The following RNFT2 variants were observed in gnomAD, a reference collection of about 807,000 sequenced individuals.
The protein encoded by RNFT2 is ring finger protein, transmembrane 2.
RNFT2 carries 36 observed loss-of-function variants against 53.0 expected under a neutral mutation model. The ratio of observed to expected loss-of-function variants is 0.68; its 90% CI spans 0.52 to 0.90. RNFT2 has a LOEUF of 0.90. Among genes scored for constraint, RNFT2 ranks in the 40% least tolerant of loss-of-function variants. RNFT2 has a pLI of 0.00. For synonymous variants in RNFT2, 260 were observed against 253.2 expected, an observed-to-expected ratio of 1.03 and a Z score of -0.26; for missense variants, 514 against 585.6, an observed-to-expected ratio of 0.88 and a Z score of 1.26.
At chr12:116,758,934 G>C (rs888837971) in intron 5 of RNFT2, among the ~76,000 whole-genome samples, 2 of 152,086 alleles carry the variant, frequency 1.3e-5, no homozygotes, top group African/African-American at 4.8e-5. Context: ...CGTTTTCCTC[G>C]ATTATTCCCC....
intron 7 of RNFT2, among the ~76,000 whole-genome samples, chr12:116,814,443 A>G (rs1003928535): frequency 6.6e-6 from 1 of 152,146 alleles, no homozygotes; most frequent in African/African-American, 2.4e-5. Flanking sequence ...GGTAACATTC[A>G]TGCAAAGCCT....
rs910969689 is a variant in RNFT2, at chr12:116,781,774, A to G, written c.882+2426A>G. 1.1e-4 allele frequency among the ~76,000 whole-genome samples: 16 copies of G among 152,082 alleles called. No homozygotes were observed. In the South Asian group the frequency reaches 1.4e-3, roughly 14 times the overall value. On this transcript the variant is annotated intron_variant, in intron 7 of 10. Coordinates refer to ENST00000257575, the MANE Select transcript of RNFT2 (RefSeq NM_001382266.1). ...ACAGAAGGTAACATTCACAGGTTCCAGGCATTAAGGTGTGGACATCGGCTG... is the reference window on the plus strand; with the variant it reads ...ACAGAAGGTAACATTCACAGGTTCCGGGCATTAAGGTGTGGACATCGGCTG...
intron 5 of RNFT2, among the ~76,000 whole-genome samples, chr12:116,762,425 A>C (rs1301425975): frequency 1.3e-5 from 2 of 151,350 alleles, no homozygotes; most frequent in Non-Finnish European, 2.9e-5. Context: ...ACAAAGAAAG[A>C]AATAGTGCAT....
chr12:116,852,778 G>C lies in RNFT2; in HGVS notation c.*3330G>C. On this transcript the variant is annotated 3_prime_UTR_variant, in exon 11 of 11. Transcript: ENST00000257575. ...GATTCCAAACTCTTTATTACTTTGG[G>C]AAGTCACTCAGCCTCCCTGTAGCCA... is the stretch of plus-strand genomic sequence containing the variant. The C allele has an allele frequency of 6.4e-7, 1 of 1,550,638 alleles. No homozygotes were observed. The highest frequency in any genetic ancestry group is 8.9e-7 in the Non-Finnish European group (1 of 1,122,888).
intron 6 of RNFT2, among the ~76,000 whole-genome samples, chr12:116,774,934 A>G (rs111811486): frequency 6.8e-6 from 1 of 147,834 alleles, no homozygotes; most frequent in Non-Finnish European, 1.5e-5. Context: ...GGTGCACAGA[A>G]AGAGAGAGAG....
At chr12:116,840,786 A>T (rs1258303723) in intron 10 of RNFT2, among the ~76,000 whole-genome samples, 5 of 152,118 alleles carry the variant, frequency 3.3e-5, no homozygotes, top group Non-Finnish European at 5.9e-5. Context: ...ATATGAGATG[A>T]TGTATAGGGC....
At chr12:116,797,263 A>T (rs2137144202) in intron 7 of RNFT2, among the ~76,000 whole-genome samples, 1 of 152,298 alleles carries the variant, frequency 6.6e-6, no homozygotes, top group East Asian at 1.9e-4. Context: ...ATTTGGAAAT[A>T]GGGTCTATAA....
At position 116,850,321 on chromosome 12, in the gene RNFT2, A is replaced by ATTTTT. The variant is rs34116756; in HGVS notation, c.*884_*888dup. 6.9e-6 allele frequency: 1 copy of ATTTTT among 145,632 alleles called. No homozygotes were observed. The highest frequency in any genetic ancestry group is 1.5e-5 in the Non-Finnish European group (1 of 66,434). 9.0% of individuals were successfully genotyped at this position (145,632 alleles called of 1,614,324 possible). A position where few individuals can be genotyped will look rare whatever the true frequency, so the allele number is the denominator to read the frequency against. On this transcript the variant is annotated 3_prime_UTR_variant, in exon 11 of 11. Transcript: ENST00000257575. ...AGGTGTGTGCCACCAGGCCTGGCTA[A>ATTTTT]TTTTTTTTTTTTTTTAATTTTTAGT...
At chr12:116,750,817 TA>T (rs1407633486) in intron 4 of RNFT2, among the ~76,000 whole-genome samples, 1 of 5,160 alleles carries the variant, frequency 1.9e-4, no homozygotes, top group African/African-American at 3.1e-4. Context: ...ATAATATATA[TA>T]TTATATATAT....
intron 3 of RNFT2, among the ~76,000 whole-genome samples, chr12:116,748,325 G>A (rs751207207): frequency 2.6e-5 from 4 of 152,284 alleles, no homozygotes; most frequent in South Asian, 4.2e-4. Context: ...TCTCTGCTCC[G>A]CCAGCAGTGG....
chr12:116,824,974 A>G (rs766000465), intron 7 of RNFT2, among the ~76,000 whole-genome samples: 27 of 151,870 alleles, frequency 1.8e-4, no homozygotes, highest in Non-Finnish European at 3.7e-4. Flanking sequence ...AATTCTCACA[A>G]TTTTGCAGGT....
chr12:116,762,552 CAT>C (rs1592944039), intron 5 of RNFT2, among the ~76,000 whole-genome samples: 2 of 151,526 alleles, frequency 1.3e-5, no homozygotes, highest in African/African-American at 2.4e-5. Flanking sequence ...GTCTGGGCAA[CAT>C]AGCAAGACCC....
At chr12:116,755,303 T>G (rs939310849) in intron 5 of RNFT2, 1 of 661,384 alleles carries the variant, frequency 1.5e-6, no homozygotes, top group Non-Finnish European at 2.7e-6. Context: ...TTTGGTTTAT[T>G]TCTGGGTTCT....
chr12:116,783,043 A>G (rs34454980), intron 7 of RNFT2, among the ~76,000 whole-genome samples: 13,586 of 152,214 alleles, frequency 0.089, 1,700 homozygotes, highest in African/African-American at 0.28. Context: ...TAAGTGCTCA[A>G]TACATGTTGG....
intron 2 of RNFT2, 24 bp from the exon 3 acceptor site, chr12:116,741,012 G>T: frequency 6.3e-7 from 1 of 1,599,190 alleles, no homozygotes; most frequent in Admixed American, 1.7e-5. Flanking sequence ...GGAGACTCTG[G>T]CTCACCCATG....
chr12:116,819,346 G>C (rs1332210457), intron 7 of RNFT2, among the ~76,000 whole-genome samples: 1 of 152,146 alleles, frequency 6.6e-6, no homozygotes, highest in Non-Finnish European at 1.5e-5. Context: ...GCCTGGTACC[G>C]GCGCGGGACG....
At chr12:116,787,071 T>C (rs1455363843) in intron 7 of RNFT2, among the ~76,000 whole-genome samples, 2 of 152,258 alleles carry the variant, frequency 1.3e-5, no homozygotes, top group Non-Finnish European at 2.9e-5. Context: ...CATGATTATT[T>C]TCTAAATAAT....
chr12:116,846,691 G>A (rs1307088195), intron 10 of RNFT2, among the ~76,000 whole-genome samples: 1 of 152,010 alleles, frequency 6.6e-6, no homozygotes, highest in Non-Finnish European at 1.5e-5. Context: ...CTGCAGGAAA[G>A]TTGCATGAAA....
chr12:116,804,746 A>G (rs895834561), intron 7 of RNFT2, among the ~76,000 whole-genome samples: 3 of 152,210 alleles, frequency 2.0e-5, no homozygotes, highest in Admixed American at 6.5e-5. Flanking sequence ...CACAGTGGGC[A>G]GATGACCCCT....
Sources: allele counts gnomAD v4.1 joint callset (sites outside exome capture counted in the v4.1 genomes callset), GRCh38; gene constraint gnomAD v4.1.1; transcripts MANE v1.5; gene names NCBI Gene and HGNC (gene_info 2026-07-23, HGNC 2026-07-21).